Variants in STX8 observed in about 807,000 individuals in gnomAD.
STX8 encodes the protein syntaxin-8.
Under a neutral mutation model 37.5 loss-of-function variants are expected in STX8, and 23 were observed. The ratio of observed to expected loss-of-function variants is 0.61; its 90% CI spans 0.44 to 0.87. STX8 has a LOEUF of 0.87. Among genes scored for constraint, STX8 ranks in the 40% least tolerant of loss-of-function variants. The probability of loss-of-function intolerance (pLI) is 0.00; values close to 1 mark genes in which losing one functional copy is unlikely to be tolerated. For synonymous variants in STX8, 115 were observed against 99.1 expected, an observed-to-expected ratio of 1.16 and a Z score of -0.95; for missense variants, 313 against 284.7, an observed-to-expected ratio of 1.10 and a Z score of -0.71.
At chr17:9,288,405 T>C (rs1303133487) in intron 7 of STX8, among the ~76,000 whole-genome samples, 1 of 151,984 alleles carries the variant, frequency 6.6e-6, no homozygotes, top group Non-Finnish European at 1.5e-5. Flanking sequence ...CTCACGCCTG[T>C]AATCCCAGCA....
At chr17:9,363,975 G>A (rs531364048) in intron 7 of STX8, among the ~76,000 whole-genome samples, 15 of 152,126 alleles carry the variant, frequency 9.9e-5, no homozygotes, top group Non-Finnish European at 1.8e-4. Context: ...AAGCGTCAAC[G>A]TTTGAACTTA....
intron 6 of STX8, among the ~76,000 whole-genome samples, chr17:9,465,825 A>T (rs1905589917): frequency 6.6e-6 from 1 of 152,172 alleles, no homozygotes; most frequent in African/African-American, 2.4e-5. Flanking sequence ...ACAAACTGTA[A>T]GGTAGGTACA....
In STX8 at chr17:9,491,899, G is replaced by C. The variant is rs117771910; in HGVS notation, c.471C>G (p.Ala157=). Residue 157 remains alanine, a synonymous_variant, in exon 6 of 8, where the codon GCC becomes GCG. Transcript: ENST00000306357. ...IIQEQDAGLD[A]LSSIISRQKQ... is the part of the protein sequence containing the mutation. ...TTTGGCGACTTATGATAGAGGAAAG[G>C]GCATCAAGGCCTGCGTCCTGTTCTG... is the stretch of plus-strand genomic sequence containing the variant. The C allele has an allele frequency of 6.2e-7, 1 of 1,612,998 alleles. No individual in the cohort carries two copies. Among genetic ancestry groups the C allele is most frequent in the African/African-American group, 1.3e-5 (1 of 74,810 alleles).
chr17:9,574,105 T>C (rs1311976512), intron 1 of STX8, among the ~76,000 whole-genome samples: 1 of 151,906 alleles, frequency 6.6e-6, no homozygotes, highest in African/African-American at 2.4e-5. Context: ...ACCCTGTCTC[T>C]ACTAAAATAC....
At chr17:9,429,616 T>A (rs1319704285) in intron 6 of STX8, among the ~76,000 whole-genome samples, 1 of 135,314 alleles carries the variant, frequency 7.4e-6, no homozygotes, top group African/African-American at 2.8e-5. Context: ...GGCAGGAGAA[T>A]GGCGTGAACC....
intron 4 of STX8, among the ~76,000 whole-genome samples, chr17:9,518,740 C>T (rs902527080): frequency 6.6e-6 from 1 of 151,896 alleles, no homozygotes; most frequent in East Asian, 1.9e-4. Context: ...TAGTGGTGGG[C>T]GCCTGCAATC....
chr17:9,320,690 C>G (rs1909545642), intron 7 of STX8, among the ~76,000 whole-genome samples: 1 of 151,446 alleles, frequency 6.6e-6, no homozygotes, highest in Non-Finnish European at 1.5e-5. Flanking sequence ...ATCAGGAGTT[C>G]AAGACTAGCC....
rs566325357 is a variant in STX8, at chr17:9,301,749, A to C, written c.644-51104T>G. Among the ~76,000 whole-genome samples the C allele has an allele frequency of 2.0e-5, 3 of 151,564 alleles. No individual in the cohort carries two copies. In the South Asian group the frequency reaches 6.2e-4, roughly 32 times the overall value. ...CGTGATCCGTCCGTCTCGGCCTCCC[A>C]AAGTGTTGGGATTACAGGCATGAGC... On this transcript the variant is annotated intron_variant, in intron 7 of 7. Transcript: ENST00000306357.
At chr17:9,297,542 C>A (rs961454607) in intron 7 of STX8, among the ~76,000 whole-genome samples, 1 of 152,212 alleles carries the variant, frequency 6.6e-6, no homozygotes, top group Admixed American at 6.5e-5. Context: ...TAGAGGTCAT[C>A]ATTCCAGGGC....
intron 6 of STX8, among the ~76,000 whole-genome samples, chr17:9,465,827 G>A (rs1235284502): frequency 6.6e-6 from 1 of 152,120 alleles, no homozygotes; most frequent in East Asian, 1.9e-4. Context: ...AAACTGTAAG[G>A]TAGGTACAAT....
chr17:9,377,353 T>C (rs1449872772), intron 7 of STX8, among the ~76,000 whole-genome samples: 1 of 152,072 alleles, frequency 6.6e-6, no homozygotes, highest in Admixed American at 6.6e-5. Context: ...CAAGTGGAAG[T>C]ACAGTAAGAC....
At chr17:9,418,687 C>T (rs897230673) in intron 6 of STX8, among the ~76,000 whole-genome samples, 6 of 151,252 alleles carry the variant, frequency 4.0e-5, no homozygotes, top group East Asian at 1.9e-4. Context: ...ATTAGCCGGG[C>T]GTGGTGGCGG....
intron 6 of STX8, among the ~76,000 whole-genome samples, chr17:9,486,218 A>C (rs1008007589): frequency 2.6e-5 from 4 of 152,180 alleles, no homozygotes; most frequent in African/African-American, 9.7e-5. Context: ...TTCCCAATAA[A>C]AGGAACCAGG....
intron 7 of STX8, among the ~76,000 whole-genome samples, chr17:9,353,775 T>G (rs1190114497): frequency 1.3e-5 from 2 of 152,220 alleles, no homozygotes; most frequent in Non-Finnish European, 2.9e-5. Context: ...ACTGAATACA[T>G]TCTCTGTATT....
chr17:9,295,207 C>G (rs1908471144), intron 7 of STX8, among the ~76,000 whole-genome samples: 1 of 152,166 alleles, frequency 6.6e-6, no homozygotes, highest in South Asian at 2.1e-4. Flanking sequence ...TCTCATTCAT[C>G]CTAGCCATTT....
At chr17:9,384,820 A>G (rs1002740738) in intron 6 of STX8, among the ~76,000 whole-genome samples, 9 of 90,072 alleles carry the variant, frequency 1.0e-4, no homozygotes, top group Non-Finnish European at 1.6e-4. Flanking sequence ...GTGTGTGTGT[A>G]CATGCACACA....
At chr17:9,574,374 T>C (rs1907810927) in intron 1 of STX8, among the ~76,000 whole-genome samples, 1 of 150,616 alleles carries the variant, frequency 6.6e-6, no homozygotes, top group South Asian at 2.1e-4. Context: ...AAAATATAGA[T>C]TAAAATAACA....
At chr17:9,524,483 G>C (rs1374983012) in intron 4 of STX8, among the ~76,000 whole-genome samples, 1 of 152,072 alleles carries the variant, frequency 6.6e-6, no homozygotes, top group Non-Finnish European at 1.5e-5. Context: ...TCCCATTCTT[G>C]AGGGCAGAGT....
chr17:9,449,947 C>A (rs1415959367), intron 6 of STX8, among the ~76,000 whole-genome samples: 1 of 151,294 alleles, frequency 6.6e-6, no homozygotes, highest in Admixed American at 6.6e-5. Context: ...AGTGAGGCCC[C>A]GTCTCAAAAA....
Sources: allele counts gnomAD v4.1 joint callset (sites outside exome capture counted in the v4.1 genomes callset), GRCh38; gene constraint gnomAD v4.1.1; transcripts MANE v1.5; gene names NCBI Gene and HGNC (gene_info 2026-07-23, HGNC 2026-07-21).